The following STAC variants were observed in gnomAD, a reference collection of about 807,000 sequenced individuals.
The protein encoded by STAC is SH3 and cysteine rich domain.
STAC carries 43 observed loss-of-function variants against 48.8 expected under a neutral mutation model. The observed-to-expected ratio is 0.88, with a 90% CI of 0.69 to 1.14. STAC has a LOEUF of 1.14. Among genes scored for constraint, STAC ranks in the 50% most tolerant of loss-of-function variants. The pLI is 0.00. For synonymous variants in STAC, 193 were observed against 179.5 expected (o/e 1.07, Z -0.60); for missense variants, 497 against 504.0 (o/e 0.99, Z 0.13).
chr3:36,509,364 C>T (rs1486980418), intron 8 of STAC, among the ~76,000 whole-genome samples: 4 of 152,134 alleles, frequency 2.6e-5, no homozygotes, highest in Non-Finnish European at 5.9e-5. Context: ...CTTGGTGAAT[C>T]TGACGATTAT....
At chr3:36,544,496 A>ATTTG (rs1241550330) in intron 10 of STAC, among the ~76,000 whole-genome samples, 13 of 151,754 alleles carry the variant, frequency 8.6e-5, no homozygotes, top group African/African-American at 1.7e-4. Context: ...TTATTTATTT[A>ATTTG]TTTGTTTATT....
rs1043848866 is a variant in STAC at position 36,474,494 on chromosome 3, A to G, written c.389-8498A>G. The stretch of plus-strand genomic sequence containing the variant: ...GACCAGAACAGAGTAGAGATCTCTC[A>G]GCGTGCAGATGGCTGGCAGAGGCAA... On this transcript the variant is annotated intron_variant, in intron 2 of 10. Coordinates refer to ENST00000273183, the MANE Select transcript of STAC (RefSeq NM_003149.3). 3.9e-5 allele frequency among the ~76,000 whole-genome samples: 6 copies of G among 152,236 alleles called. No homozygotes were observed. The South Asian group carries it at 1.2e-3, about 32-fold the overall frequency.
At chr3:36,499,357 A>G (rs1348832145) in intron 6 of STAC, among the ~76,000 whole-genome samples, 8 of 152,300 alleles carry the variant, frequency 5.3e-5, no homozygotes, top group African/African-American at 1.9e-4. Flanking sequence ...TTCAGAGATT[A>G]TGTATTGCTT....
At chr3:36,482,850 T>C (rs2125699552) in intron 2 of STAC, 142 bp from the exon 3 acceptor site, 1 of 617,956 alleles carries the variant, frequency 1.6e-6, no homozygotes. Flanking sequence ...ATCTACCATA[T>C]ATATTTTTTT....
chr3:36,471,433 C>G (rs985111078), intron 2 of STAC, among the ~76,000 whole-genome samples: 1 of 152,092 alleles, frequency 6.6e-6, no homozygotes, highest in Admixed American at 6.5e-5. Context: ...ATTTCAAAAC[C>G]AATCATGCTT....
chr3:36,467,207 G>T (rs1697202116), intron 2 of STAC, among the ~76,000 whole-genome samples: 1 of 151,958 alleles, frequency 6.6e-6, no homozygotes, highest in Admixed American at 6.6e-5. Context: ...CTTGATCATG[G>T]TAAATTATCT....
chr3:36,526,632 T>C (rs545064605), intron 8 of STAC, among the ~76,000 whole-genome samples: 3 of 152,304 alleles, frequency 2.0e-5, no homozygotes, highest in Admixed American at 6.5e-5. Flanking sequence ...ACATAAGTGA[T>C]ACAGTCTCAA....
intron 2 of STAC, among the ~76,000 whole-genome samples, chr3:36,468,149 A>G (rs1297718848): frequency 6.6e-6 from 1 of 152,040 alleles, no homozygotes; most frequent in Non-Finnish European, 1.5e-5. Context: ...CTGTATTTGC[A>G]TGGTTTCAAG....
At chr3:36,398,295 AAAAG>A (rs1217994053) in intron 1 of STAC, among the ~76,000 whole-genome samples, 112 of 117,080 alleles carry the variant, frequency 9.6e-4, no homozygotes, top group East Asian at 8.7e-3. Context: ...GGTATGTTAA[AAAAG>A]AAAGAAAGAA....
chr3:36,470,357 C>A (rs1172651190), intron 2 of STAC, among the ~76,000 whole-genome samples: 2 of 152,234 alleles, frequency 1.3e-5, no homozygotes, highest in Admixed American at 1.3e-4. Flanking sequence ...AGTCAGCCAG[C>A]AGAGCTACCA....
Position 36,534,340 on chromosome 3 carries a change from G to A in STAC, c.1110+5355G>A, listed in dbSNP as rs371148075. 4.1e-4 allele frequency among the ~76,000 whole-genome samples: 62 copies of A among 152,260 alleles called. No individual in the cohort carries two copies. The South Asian group carries it at 0.011, about 27-fold the overall frequency. On this transcript the variant is annotated intron_variant, in intron 10 of 10. Coordinates refer to ENST00000273183, the MANE Select transcript of STAC (RefSeq NM_003149.3). ...AGCAGAAGTCATTTTCCTGGCTACCGTTATCACTAAAGAGTAAAGCCTAAA... is the reference window on the plus strand; with the variant it reads ...AGCAGAAGTCATTTTCCTGGCTACCATTATCACTAAAGAGTAAAGCCTAAA...
At chr3:36,442,958 A>G (rs1696395006) in intron 1 of STAC, among the ~76,000 whole-genome samples, 1 of 152,170 alleles carries the variant, frequency 6.6e-6, no homozygotes, top group South Asian at 2.1e-4. Flanking sequence ...ATCATAAGAG[A>G]GAAAGGCCAG....
intron 1 of STAC, among the ~76,000 whole-genome samples, chr3:36,429,849 G>C (rs1700655926): frequency 6.6e-6 from 1 of 152,202 alleles, no homozygotes; most frequent in Non-Finnish European, 1.5e-5. Flanking sequence ...GCCTGACCCA[G>C]GCTGCTGGAA....
At chr3:36,396,078 T>TTCC (rs2125621100) in intron 1 of STAC, among the ~76,000 whole-genome samples, 1 of 152,284 alleles carries the variant, frequency 6.6e-6, no homozygotes, top group East Asian at 1.9e-4. Context: ...AGAAATTTAT[T>TTCC]TCCTCCTCCT....
chr3:36,497,107 T>A (rs773835689), intron 6 of STAC, among the ~76,000 whole-genome samples: 1 of 152,090 alleles, frequency 6.6e-6, no homozygotes, highest in Non-Finnish European at 1.5e-5. Flanking sequence ...AATTTTAAGG[T>A]GTCAAAAAGA....
At chr3:36,486,076 C>A in intron 4 of STAC, 58 bp from the exon 5 acceptor site, 1 of 1,296,702 alleles carries the variant, frequency 7.7e-7, no homozygotes, top group Non-Finnish European at 1.1e-6. Context: ...ATGTGGTAGG[C>A]AGTTGGCTGG....
intron 1 of STAC, among the ~76,000 whole-genome samples, chr3:36,434,465 G>A (rs904953039): frequency 5.3e-5 from 8 of 152,194 alleles, no homozygotes; most frequent in African/African-American, 1.9e-4. Context: ...GCTTGTCAAA[G>A]GTTCCCTGAT....
At chr3:36,440,351 G>C (rs1192471664) in intron 1 of STAC, among the ~76,000 whole-genome samples, 1 of 152,182 alleles carries the variant, frequency 6.6e-6, no homozygotes, top group Non-Finnish European at 1.5e-5. Context: ...AAGAGTGTGT[G>C]GGTTGACAAT....
intron 1 of STAC, among the ~76,000 whole-genome samples, chr3:36,395,133 T>C (rs901780555): frequency 3.3e-5 from 5 of 152,026 alleles, no homozygotes; most frequent in Non-Finnish European, 2.9e-5. Flanking sequence ...GTGAACTTAA[T>C]CTTATGGATA....
Sources: gnomAD v4.1 joint callset for allele counts (sites outside exome capture counted in the v4.1 genomes callset) on GRCh38, gnomAD v4.1.1 for gene constraint, MANE v1.5 for transcripts, NCBI Gene and HGNC (gene_info 2026-07-23, HGNC 2026-07-21) for gene names.